The following DEFB123 variants were observed in gnomAD, a reference collection of about 807,000 sequenced individuals.
The protein encoded by DEFB123 is defensin beta 123.
For synonymous variants in DEFB123, 22 were observed against 28.3 expected, an observed-to-expected ratio of 0.78 and a Z score of 0.71; for missense variants, 71 against 75.0, an observed-to-expected ratio of 0.95 and a Z score of 0.20.
At chr20:31,445,148 G>A (rs1403327792) in intron 1 of DEFB123, among the ~76,000 whole-genome samples, 1 of 152,146 alleles carries the variant, frequency 6.6e-6, no homozygotes, top group Non-Finnish European at 1.5e-5. Flanking sequence ...TCTGACCTCT[G>A]CATTTCCTGC....
intron 1 of DEFB123, among the ~76,000 whole-genome samples, chr20:31,445,481 T>C (rs6120294): frequency 0.036 from 5,430 of 152,276 alleles, 338 homozygotes; most frequent in African/African-American, 0.12. Flanking sequence ...TTTTTCTTTA[T>C]TTATGAATCT....
intron 1 of DEFB123, among the ~76,000 whole-genome samples, chr20:31,448,077 C>G (rs955288603): frequency 6.6e-6 from 1 of 151,960 alleles, no homozygotes; most frequent in Non-Finnish European, 1.5e-5. Flanking sequence ...TGAGCCACCA[C>G]GTCTGGCCTA....
At chr20:31,441,751 G>A (rs1297853270) in intron 1 of DEFB123, among the ~76,000 whole-genome samples, 3 of 152,074 alleles carry the variant, frequency 2.0e-5, no homozygotes, top group African/African-American at 7.2e-5. Context: ...GCTGACCTCC[G>A]TCCTTGTGTC....
chr20:31,446,253 C>A (rs1185662479), intron 1 of DEFB123, among the ~76,000 whole-genome samples: 2 of 152,200 alleles, frequency 1.3e-5, no homozygotes, highest in Non-Finnish European at 2.9e-5. Flanking sequence ...CAAAGCAAGG[C>A]AGGGCCACAG....
chr20:31,446,240 C>A (rs1193902780), intron 1 of DEFB123, among the ~76,000 whole-genome samples: 1 of 152,218 alleles, frequency 6.6e-6, no homozygotes, highest in East Asian at 1.9e-4. Context: ...GTCTGATAGA[C>A]TTCAAAGCAA....
intron 1 of DEFB123, among the ~76,000 whole-genome samples, 164 bp downstream of exon 1, chr20:31,440,920 C>A (rs1979449114): frequency 6.6e-6 from 1 of 152,202 alleles, no homozygotes; most frequent in Non-Finnish European, 1.5e-5. Context: ...ATGACAACTA[C>A]AACATCCAGA....
At chr20:31,444,844 A>T (rs1240428415) in intron 1 of DEFB123, among the ~76,000 whole-genome samples, 1 of 152,148 alleles carries the variant, frequency 6.6e-6, no homozygotes, top group Non-Finnish European at 1.5e-5. Flanking sequence ...TATTCCATCC[A>T]TCACAATTGT....
At chr20:31,440,874 G>GGAGGCACCTGCTGCTGGT in intron 1 of DEFB123, 118 bp downstream of exon 1, 3 of 1,219,796 alleles carry the variant, frequency 2.5e-6, no homozygotes, top group Non-Finnish European at 3.5e-6. Flanking sequence ...ATAGGAGGCA[G>GGAGGCACCTGCTGCTGGT]GAGGCGCCTC....
At position 31,447,702 on chromosome 20, in the gene DEFB123, G is replaced by A. The variant is rs543270656; in HGVS notation, c.59-2327G>A. On this transcript the variant is annotated intron_variant, in intron 1 of 1. Transcript: ENST00000376309. ...CGTGACCACAGCTCACTGCAGCCTC[G>A]ACCTCCCAGGCTCAAGTGATCCTCC... Among the ~76,000 whole-genome samples the A allele has an allele frequency of 3.0e-3, 432 of 145,810 alleles. 3 individuals carry two copies. The highest frequency in any genetic ancestry group is 6.6e-3 in the Admixed American group (95 of 14,452).
In DEFB123 at chr20:31,442,798, C is replaced by T. The variant is rs117371300; in HGVS notation, c.58+2042C>T. Among the ~76,000 whole-genome samples the T allele has an allele frequency of 2.5e-3, 374 of 151,866 alleles. 13 individuals are homozygous for T. The East Asian group carries it at 0.067, about 27-fold the overall frequency. On this transcript the variant is annotated intron_variant, in intron 1 of 1. Coordinates refer to ENST00000376309, the MANE Select transcript of DEFB123 (RefSeq NM_153324.4). ...AAATTTTTGTATTTTTAGTAGGATACGGTTTGGCCATGTTGCCCAGGCTGG... is the reference window on the plus strand; with the variant it reads ...AAATTTTTGTATTTTTAGTAGGATATGGTTTGGCCATGTTGCCCAGGCTGG...
chr20:31,441,528 C>G (rs986789000), intron 1 of DEFB123, among the ~76,000 whole-genome samples: 1 of 151,994 alleles, frequency 6.6e-6, no homozygotes, highest in Non-Finnish European at 1.5e-5. Context: ...GCTGAGGAAG[C>G]ATTCAAGCTC....
In DEFB123 at chr20:31,450,068, G is replaced by A. The variant is rs747628781; in HGVS notation, c.98G>A (p.Arg33His). ...QRCWNLYGKC[R>H]YRCSKKERVY... Reference sequence around the variant, plus strand: ...TGCTGGAATCTTTATGGCAAATGCCGTTACAGATGCTCCAAGAAGGAAAGA... The same window carrying A: ...TGCTGGAATCTTTATGGCAAATGCCATTACAGATGCTCCAAGAAGGAAAGA... The change falls in exon 2 of 2, where the codon CGT becomes CAT. Residue 33 changes from arginine to histidine, a missense_variant. Physicochemically the swap from Arg to His is conservative, Grantham distance 29. Transcript: ENST00000376309. 1.2e-5 allele frequency: 19 copies of A among 1,611,472 alleles called. No individual in the cohort carries two copies. Among genetic ancestry groups the A allele is most frequent in the South Asian group, 8.8e-5 (8 of 90,632 alleles).
chr20:31,444,960 A>G (rs921844109), intron 1 of DEFB123, among the ~76,000 whole-genome samples: 7 of 152,190 alleles, frequency 4.6e-5, no homozygotes, highest in African/African-American at 1.7e-4. Context: ...CCCTATTTAT[A>G]CTGTTAAAAT....
chr20:31,450,094 G>A lies in DEFB123; in HGVS notation c.124G>A (p.Val42Ile). ...CRYRCSKKER[V>I]YVYCINNKMC... ...TTACAGATGCTCCAAGAAGGAAAGAGTCTATGTTTACTGCATAAATAATAA... is the reference window on the plus strand; with the variant it reads ...TTACAGATGCTCCAAGAAGGAAAGAATCTATGTTTACTGCATAAATAATAA... The change falls in exon 2 of 2, where the codon GTC becomes ATC. Residue 42 changes from valine (V) to isoleucine (I), a missense_variant. Physicochemically the swap from Val to Ile is conservative, Grantham distance 29. Coordinates refer to ENST00000376309, the MANE Select transcript of DEFB123 (RefSeq NM_153324.4). The A allele has an allele frequency of 6.2e-7, 1 of 1,613,018 alleles. No individual in the cohort carries two copies. The highest frequency in any genetic ancestry group is 8.5e-7 in the Non-Finnish European group (1 of 1,179,538).
chr20:31,445,111 T>C (rs573110392), intron 1 of DEFB123, among the ~76,000 whole-genome samples: 1 of 152,360 alleles, frequency 6.6e-6, no homozygotes, highest in Non-Finnish European at 1.5e-5. Flanking sequence ...GCTGATTGCA[T>C]ACTCAAGGTA....
intron 1 of DEFB123, among the ~76,000 whole-genome samples, chr20:31,447,857 G>C (rs1979629694): frequency 7.0e-6 from 1 of 143,262 alleles, no homozygotes; most frequent in Non-Finnish European, 1.5e-5. Flanking sequence ...CGCTATCTCG[G>C]CTCACTGCAA....
At chr20:31,442,513 A>G (rs1355688945) in intron 1 of DEFB123, among the ~76,000 whole-genome samples, 3 of 151,470 alleles carry the variant, frequency 2.0e-5, no homozygotes, top group African/African-American at 4.8e-5. Context: ...AATGAAACAT[A>G]TGGTATGTCA....
rs569913208 is a variant in DEFB123 at position 31,440,945 on chromosome 20, G to A, written c.58+189G>A. ...CAACATCCAGAGCTGCTCTCTCAGCGGCTCCATCCCTCCTCTTCCTGCCCA... is the reference window on the plus strand; with the variant it reads ...CAACATCCAGAGCTGCTCTCTCAGCAGCTCCATCCCTCCTCTTCCTGCCCA... On this transcript the variant is annotated intron_variant, in intron 1 of 1. Coordinates refer to ENST00000376309, the MANE Select transcript of DEFB123 (RefSeq NM_153324.4). 4.4e-4 allele frequency among the ~76,000 whole-genome samples: 67 copies of A among 152,290 alleles called. 2 individuals are homozygous for A. The South Asian group carries it at 0.012, about 27-fold the overall frequency.
chr20:31,447,186 C>T (rs575049027), intron 1 of DEFB123, among the ~76,000 whole-genome samples: 2 of 151,934 alleles, frequency 1.3e-5, no homozygotes, highest in South Asian at 2.1e-4. Flanking sequence ...CGCTTGAACC[C>T]GGGCGGTGGA....
Sources: gnomAD v4.1 joint callset for allele counts (sites outside exome capture counted in the v4.1 genomes callset) on GRCh38, gnomAD v4.1.1 for gene constraint, MANE v1.5 for transcripts, NCBI Gene and HGNC (gene_info 2026-07-23, HGNC 2026-07-21) for gene names.